The following HTT variants were observed in gnomAD, a reference collection of about 807,000 sequenced individuals.
The protein encoded by HTT is huntington disease protein.
A neutral mutation model predicts 362.3 loss-of-function variants in HTT; 104 were observed. That is an observed-to-expected ratio of 0.29 (90% CI 0.24 to 0.34). The LOEUF is 0.34. Among genes scored for constraint, HTT ranks in the 10% least tolerant of loss-of-function variants. The pLI, the probability that HTT is intolerant of heterozygous loss-of-function variation, is 1.00. For synonymous variants in HTT, 1,577 were observed against 1,548.7 expected (o/e 1.02, Z -0.43); for missense variants, 3,301 against 3,928.6 (o/e 0.84, Z 4.27).
intron 26 of HTT, among the ~76,000 whole-genome samples, chr4:3,151,157 C>T (rs533622276): frequency 4.6e-5 from 7 of 151,972 alleles, no homozygotes; most frequent in Admixed American, 3.9e-4. Flanking sequence ...CTCATAGGAG[C>T]GTGTATGAGT....
intron 26 of HTT, among the ~76,000 whole-genome samples, chr4:3,151,113 C>G (rs1325314774): frequency 1.3e-5 from 2 of 151,414 alleles, no homozygotes; most frequent in African/African-American, 2.4e-5. Flanking sequence ...CATCTGAGCT[C>G]TATCTCCTCT....
Position 3,228,071 on chromosome 4 carries a change from CT to C in HTT, c.7849-539del, listed in dbSNP as rs1721004583. Among the ~76,000 whole-genome samples the C allele has an allele frequency of 6.6e-6, 1 of 152,170 alleles. No homozygotes were observed. The highest frequency in any genetic ancestry group is 6.5e-5 in the Admixed American group (1 of 15,282). ...TAGTGCCAGTGATGATGGAGAACAGCTTTTTATGGGCACACAGCCCACAGCA... is the reference window on the plus strand; with the variant it reads ...TAGTGCCAGTGATGATGGAGAACAGCTTTTATGGGCACACAGCCCACAGCA... On this transcript the variant is annotated intron_variant, in intron 57 of 66. Transcript: ENST00000355072. This position sits in a 1 kb window ranked among gnomAD's most constrained non-coding sequence, Gnocchi z 4.3.
intron 40 of HTT, among the ~76,000 whole-genome samples, chr4:3,194,838 A>T (rs1719172884): frequency 6.6e-6 from 1 of 152,186 alleles, no homozygotes; most frequent in Admixed American, 6.5e-5. Flanking sequence ...AATAAAGTTG[A>T]CATTGATTCA....
chr4:3,216,524 C>G (rs1005490413), intron 51 of HTT, among the ~76,000 whole-genome samples: 5 of 152,192 alleles, frequency 3.3e-5, no homozygotes, highest in Non-Finnish European at 7.3e-5. Context: ...TCAACAAATG[C>G]TATCATGATT....
rs1401884618 is a variant in HTT, at chr4:3,240,415, G to C, written c.*356G>C. ...TGGGCCAGAAGTCCTCCCTCCTGCA[G>C]GCTGGCTGTTGGCCCCTCTGCTGTC... On this transcript the variant is annotated 3_prime_UTR_variant, in exon 67 of 67. Coordinates refer to ENST00000355072, the MANE Select transcript of HTT (RefSeq NM_001388492.1). 3.0e-6 allele frequency: 1 copy of C among 337,192 alleles called. No homozygotes were observed. Among genetic ancestry groups the C allele is most frequent in the Non-Finnish European group, 5.6e-6 (1 of 177,986 alleles). 20.9% of individuals were successfully genotyped at this position (337,192 alleles called of 1,614,324 possible). A position where few individuals can be genotyped will look rare whatever the true frequency, so the allele number is the denominator to read the frequency against.
At chr4:3,079,931 T>G (rs1392508245) in intron 1 of HTT, among the ~76,000 whole-genome samples, 1 of 152,198 alleles carries the variant, frequency 6.6e-6, no homozygotes, top group East Asian at 1.9e-4. Flanking sequence ...TGAACTCTGC[T>G]AAGTATAACA....
At chr4:3,195,967 C>T (rs1719238682) in intron 40 of HTT, among the ~76,000 whole-genome samples, 1 of 152,150 alleles carries the variant, frequency 6.6e-6, no homozygotes, top group East Asian at 1.9e-4. Flanking sequence ...GACTGAGAGA[C>T]GTCGTCCTGC....
intron 45 of HTT, 75 bp downstream of exon 45, chr4:3,207,432 A>G (rs957458081): frequency 5.7e-6 from 7 of 1,232,874 alleles, no homozygotes; most frequent in Non-Finnish European, 8.2e-6. Flanking sequence ...GTACGGGAAT[A>G]AATTCACAGG....
intron 11 of HTT, 118 bp downstream of exon 11, chr4:3,125,747 C>T: frequency 1.4e-6 from 1 of 731,440 alleles, no homozygotes; most frequent in South Asian, 1.6e-5. Context: ...GCAGTGGAGC[C>T]AGGTTGCTTA....
At chr4:3,147,796 G>A (rs1716679924) in intron 25 of HTT, among the ~76,000 whole-genome samples, 2 of 152,218 alleles carry the variant, frequency 1.3e-5, no homozygotes, top group African/African-American at 2.4e-5. Context: ...TCCTGGGCAG[G>A]TGTGTGGTGG....
chr4:3,148,069 C>T lies in HTT; in HGVS notation c.3360C>T (p.Thr1120=). The change falls in exon 26 of 67, where the codon ACC becomes ACT. Residue 1120 remains threonine, a synonymous_variant. Transcript: ENST00000355072. Reference sequence around the variant, plus strand: ...AAGAAGAAGCCAACCCAGCAGCCACCAAGCAAGAGGAGGTCTGGCCAGCCC... The same window carrying T: ...AAGAAGAAGCCAACCCAGCAGCCACTAAGCAAGAGGAGGTCTGGCCAGCCC... The part of the protein sequence containing the change: ...ASEEEANPAA[T]KQEEVWPALG... The T allele has an allele frequency of 6.2e-7, 1 of 1,614,128 alleles. No individual in the cohort carries two copies. The highest frequency in any genetic ancestry group is 8.5e-7 in the Non-Finnish European group (1 of 1,180,014).
Position 3,157,072 on chromosome 4 carries a change from C to A in HTT, c.3626C>A (p.Ala1209Asp), listed in dbSNP as rs898907949. The change falls in exon 28 of 67, where the codon GCT (alanine) becomes GAT (aspartate). Residue 1209 changes from alanine to aspartate, a missense_variant and splice_region_variant. Ala to Asp is a moderately radical substitution (Grantham distance 126). Coordinates refer to ENST00000355072, the MANE Select transcript of HTT (RefSeq NM_001388492.1). ...ATCTTTTGTGTGCATATTTTTAAAG[C>A]TTCTAGACAATCTGATACCTCAGGT... is the stretch of plus-strand genomic sequence containing the variant. The part of the protein sequence containing the change: ...SPKKGSEASA[A>D]SRQSDTSGPV... The A allele has an allele frequency of 1.9e-6, 3 of 1,601,836 alleles. No individual in the cohort carries two copies. The highest frequency in any genetic ancestry group is 2.5e-6 in the Non-Finnish European group (3 of 1,176,518).
intron 45 of HTT, 47 bp from the exon 46 acceptor site, chr4:3,208,726 A>T: frequency 6.5e-7 from 1 of 1,534,218 alleles, no homozygotes; most frequent in Non-Finnish European, 8.7e-7. Flanking sequence ...GACTAAAAAA[A>T]AAAAAAAACA....
At chr4:3,170,873 C>T (rs937056835) in intron 29 of HTT, among the ~76,000 whole-genome samples, 1 of 152,182 alleles carries the variant, frequency 6.6e-6, no homozygotes, top group African/African-American at 2.4e-5. Context: ...GTCCCTCACC[C>T]TCATTGTGCT....
At chr4:3,125,829 T>G (rs2110182456) in intron 11 of HTT, among the ~76,000 whole-genome samples, 200 bp downstream of exon 11, 1 of 152,334 alleles carries the variant, frequency 6.6e-6, no homozygotes, top group Middle Eastern at 3.4e-3. Flanking sequence ...TTGCATCATA[T>G]ATTTGTTGTT....
At position 3,146,811 on chromosome 4, in the gene HTT, G is replaced by T; in HGVS notation, c.3158G>T (p.Ser1053Ile). 1 of 1,614,074 alleles carries T rather than the reference G, an allele frequency of 6.2e-7. No individual in the cohort carries two copies. Among genetic ancestry groups the T allele is most frequent in the Non-Finnish European group, 8.5e-7 (1 of 1,179,928 alleles). The change falls in exon 25 of 67, where the codon AGT (serine) becomes ATT (isoleucine). Residue 1053 changes from serine (S) to isoleucine (I), a missense_variant. By Grantham distance (142) the Ser-to-Ile change is moderately radical. Around this residue, in one of 4 missense-constraint regions of HTT, gnomAD observed 2,316 missense variants for 2,658.5 expected, o/e 0.87. Coordinates refer to ENST00000355072, the MANE Select transcript of HTT (RefSeq NM_001388492.1). ...TCTGCTTCCAGAGTGCCTCCACTGA[G>T]TGCCTCAGATGAGTCTAGGAAGAGC... ...LGWHCGVPPLSASDESRKSCT... is the reference protein window; with the variant it reads ...LGWHCGVPPLIASDESRKSCT...
intron 40 of HTT, among the ~76,000 whole-genome samples, chr4:3,197,064 C>T (rs929475606): frequency 6.6e-6 from 1 of 152,296 alleles, no homozygotes. Context: ...CATCCTAGGC[C>T]CTCCAGCTTG....
rs764043135 is a variant in HTT, at chr4:3,212,552, C to T, written c.6629-12C>T. On this transcript the variant is annotated splice_polypyrimidine_tract_variant and intron_variant, in intron 48 of 66. Transcript: ENST00000355072. The stretch of plus-strand genomic sequence containing the variant: ...CACGTTTGCACCCACCCACGAGGTC[C>T]TTCTGTTTCAGGGGATGCTGCACTG... The T allele has an allele frequency of 6.2e-7, 1 of 1,612,570 alleles. No homozygotes were observed. The highest frequency in any genetic ancestry group is 8.5e-7 in the Non-Finnish European group (1 of 1,178,754).
rs144648796 is a variant in HTT, at chr4:3,157,576, A to G, written c.3753+377A>G. Among the ~76,000 whole-genome samples, 34 of 152,262 alleles carry G rather than the reference A, an allele frequency of 2.2e-4. No homozygotes were observed. The East Asian group carries it at 6.6e-3, about 29-fold the overall frequency. ...CTGCAGGTACCCTCTGCCTAACATG[A>G]GCCACAATTCCAGACTCACAGAAGA... On this transcript the variant is annotated intron_variant, in intron 28 of 66. Transcript: ENST00000355072.
Sources: gnomAD v4.1 joint callset for allele counts (sites outside exome capture counted in the v4.1 genomes callset) on GRCh38, gnomAD v4.1.1 for gene constraint, gnomAD v4.1.1 regional missense constraint, Gnocchi (gnomAD v3.1) non-coding constraint, MANE v1.5 for transcripts, NCBI Gene and HGNC (gene_info 2026-07-23, HGNC 2026-07-21) for gene names.